YAP1: variants seen among roughly 807,000 people sequenced by gnomAD.
The protein encoded by YAP1 is Yes1 associated transcriptional regulator.
A neutral mutation model predicts 56.9 loss-of-function variants in YAP1; 5 were observed. The ratio of observed to expected loss-of-function variants is 0.09; its 90% CI spans 0.05 to 0.18. The LOEUF is 0.18. Among genes scored for constraint, YAP1 ranks in the 10% least tolerant of loss-of-function variants. YAP1 has a pLI of 1.00. For missense variants in YAP1, 539 were observed against 651.8 expected (o/e 0.83, Z 1.88); for synonymous variants, 265 against 248.1 (o/e 1.07, Z -0.64).
intron 6 of YAP1, among the ~76,000 whole-genome samples, chr11:102,214,411 G>T (rs888351911): frequency 2.0e-5 from 3 of 152,150 alleles, no homozygotes; most frequent in African/African-American, 7.2e-5. Flanking sequence ...CAGTGAAGAG[G>T]TTCAGATGTT....
intron 3 of YAP1, among the ~76,000 whole-genome samples, chr11:102,166,632 G>A (rs372884485): frequency 2.0e-5 from 3 of 152,334 alleles, no homozygotes; most frequent in African/African-American, 4.8e-5. Flanking sequence ...CCTGAAGGGA[G>A]TGTCTTCTGA....
intron 2 of YAP1, among the ~76,000 whole-genome samples, chr11:102,150,355 G>T (rs1465162828): frequency 6.6e-6 from 1 of 152,124 alleles, no homozygotes. Context: ...CAATCAAGAA[G>T]TTTCAGAATG....
At chr11:102,196,509 TG>T (rs1322607726) in intron 4 of YAP1, among the ~76,000 whole-genome samples, 1 of 152,124 alleles carries the variant, frequency 6.6e-6, no homozygotes, top group African/African-American at 2.4e-5. Context: ...ATGTCCAGAA[TG>T]GGAAAATTCA....
intron 2 of YAP1, among the ~76,000 whole-genome samples, chr11:102,146,051 A>G (rs772939996): frequency 6.6e-6 from 1 of 152,246 alleles, no homozygotes; most frequent in Non-Finnish European, 1.5e-5. Flanking sequence ...TCAAGGAATC[A>G]GTTTAGTTAG....
rs17097559 is a variant in YAP1 at position 102,226,627 on chromosome 11, A to G, written c.1164-842A>G. Among the ~76,000 whole-genome samples the G allele has an allele frequency of 4.6e-3, 706 of 152,280 alleles. 3 individuals are homozygous for G. Among genetic ancestry groups the G allele is most frequent in the African/African-American group, 0.016 (670 of 41,542 alleles). On this transcript the variant is annotated intron_variant, in intron 7 of 8. Transcript: ENST00000282441. ...TGCTACTAGCTTAGGAAAGTGTTCTATTTCTCAGGGTAATGGATATTTACC... is the reference window on the plus strand; with the variant it reads ...TGCTACTAGCTTAGGAAAGTGTTCTGTTTCTCAGGGTAATGGATATTTACC...
At chr11:102,161,266 G>C (rs1385906064) in intron 2 of YAP1, among the ~76,000 whole-genome samples, 1 of 150,826 alleles carries the variant, frequency 6.6e-6, no homozygotes, top group South Asian at 2.1e-4. Context: ...GTTTCACCGT[G>C]TTAGCCAGGA....
At chr11:102,133,428 T>C (rs1006304477) in intron 2 of YAP1, among the ~76,000 whole-genome samples, 2 of 152,032 alleles carry the variant, frequency 1.3e-5, no homozygotes, top group African/African-American at 4.8e-5. Context: ...CCCGAGTAGC[T>C]GGGACTACAG....
chr11:102,186,431 A>T, intron 4 of YAP1: 2 of 306,314 alleles, frequency 6.5e-6, no homozygotes, highest in South Asian at 3.1e-5. Flanking sequence ...TGTTTTTAAA[A>T]TGTTTTTTTT....
chr11:102,197,750 A>G lies in YAP1; in HGVS notation c.803-8143A>G, dbSNP rs1001068383. On this transcript the variant is annotated intron_variant, in intron 4 of 8. Coordinates refer to ENST00000282441, the MANE Select transcript of YAP1 (RefSeq NM_001130145.3). ...TTTTTGTTTTGTTTTTACCTTTTGG[A>G]AATTTTATTAAAACTGGAAACATTG... 2.0e-5 allele frequency among the ~76,000 whole-genome samples: 3 copies of G among 152,130 alleles called. No individual in the cohort carries two copies. The East Asian group carries it at 5.8e-4, about 29-fold the overall frequency.
chr11:102,199,213 AGTATTGATG>A (rs1388964275), intron 4 of YAP1, among the ~76,000 whole-genome samples: 1 of 152,228 alleles, frequency 6.6e-6, no homozygotes, highest in African/African-American at 2.4e-5. Flanking sequence ...TGGAGATGTC[AGTATTGATG>A]GTACGGATGA....
In YAP1 at chr11:102,230,051, C is replaced by G; in HGVS notation, c.*111C>G. 2 of 893,204 alleles carry G rather than the reference C, an allele frequency of 2.2e-6. No homozygotes were observed. The highest frequency in any genetic ancestry group is 3.5e-6 in the Non-Finnish European group (2 of 567,946). The allele number at this position is 893,204 out of a possible 1,614,324, so 55.3% of individuals were successfully genotyped here. ...TCAGGCTAATACAGAAAAAGATGAA[C>G]AAACGTCCAGCAAGATACTTTAATC... On this transcript the variant is annotated 3_prime_UTR_variant, in exon 9 of 9. Coordinates refer to ENST00000282441, the MANE Select transcript of YAP1 (RefSeq NM_001130145.3).
chr11:102,199,924 A>G (rs958707317), intron 4 of YAP1, among the ~76,000 whole-genome samples: 1 of 152,242 alleles, frequency 6.6e-6, no homozygotes, highest in African/African-American at 2.4e-5. Context: ...TCTAGAATCA[A>G]TATTATGTAG....
chr11:102,144,552 A>G (rs1945207807), intron 2 of YAP1, among the ~76,000 whole-genome samples: 1 of 152,160 alleles, frequency 6.6e-6, no homozygotes. Flanking sequence ...ATGTATTGCA[A>G]CATTATTTAT....
rs141710896 is a variant in YAP1, at chr11:102,149,013, T to A, written c.573-13443T>A. Among the ~76,000 whole-genome samples, 12 of 152,302 alleles carry A rather than the reference T, an allele frequency of 7.9e-5. 1 individual carries two copies. The East Asian group carries it at 2.3e-3, about 29-fold the overall frequency. The stretch of plus-strand genomic sequence containing the variant: ...AAAATATTACTTTTTTACTGCTTTG[T>A]GTGGTATTCTGATATCTTTTACCTC... On this transcript the variant is annotated intron_variant, in intron 2 of 8. Coordinates refer to ENST00000282441, the MANE Select transcript of YAP1 (RefSeq NM_001130145.3).
At chr11:102,223,775 G>A in intron 7 of YAP1, 23 bp downstream of exon 7, 1 of 1,613,382 alleles carries the variant, frequency 6.2e-7, no homozygotes, top group Non-Finnish European at 8.5e-7. Context: ...TGCTACTGGT[G>A]AATATCTGAA....
At chr11:102,143,768 T>A (rs1286137663) in intron 2 of YAP1, among the ~76,000 whole-genome samples, 1 of 152,224 alleles carries the variant, frequency 6.6e-6, no homozygotes, top group Non-Finnish European at 1.5e-5. Context: ...ACATATTGAC[T>A]TAGAAGTTGA....
intron 4 of YAP1, among the ~76,000 whole-genome samples, chr11:102,197,847 C>G (rs1948647976): frequency 6.6e-6 from 1 of 152,098 alleles, no homozygotes; most frequent in African/African-American, 2.4e-5. Context: ...TGCCCTGCCC[C>G]CTTTCCCCAG....
rs751634639 is a variant in YAP1, at chr11:102,231,973, G to A, written c.*2033G>A. The A allele has an allele frequency of 6.6e-6, 1 of 152,486 alleles. No individual in the cohort carries two copies. The allele number at this position is 152,486 out of a possible 1,614,324, so 9.4% of individuals were successfully genotyped here. A position where few individuals can be genotyped will look rare whatever the true frequency, so the allele number is the denominator to read the frequency against. ...ACTGTGTTGTATATAATAGTTCATA[G>A]GTTGATCACTCATAATAATTGACTC... is the stretch of plus-strand genomic sequence containing the variant. On this transcript the variant is annotated 3_prime_UTR_variant, in exon 9 of 9. Transcript: ENST00000282441.
chr11:102,112,599 G>C, intron 1 of YAP1: 1 of 985,006 alleles, frequency 1.0e-6, no homozygotes, highest in Non-Finnish European at 1.2e-6. Flanking sequence ...CCTATTTGCA[G>C]GCCTGTTGTA....
Sources: gnomAD v4.1 joint callset for allele counts (sites outside exome capture counted in the v4.1 genomes callset) on GRCh38, gnomAD v4.1.1 for gene constraint, MANE v1.5 for transcripts, NCBI Gene and HGNC (gene_info 2026-07-23, HGNC 2026-07-21) for gene names.